RXFP2: variants seen among roughly 807,000 people sequenced by gnomAD.
RXFP2 encodes the protein relaxin receptor 2.
RXFP2 carries 68 observed loss-of-function variants against 88.6 expected under a neutral mutation model. The observed-to-expected ratio is 0.77, with a 90% CI of 0.63 to 0.94. RXFP2 has a LOEUF of 0.94. Among genes scored for constraint, RXFP2 ranks in the 40% least tolerant of loss-of-function variants. The pLI, the probability that RXFP2 is intolerant of heterozygous loss-of-function variation, is 0.00. For synonymous variants in RXFP2, 329 were observed against 306.8 expected (o/e 1.07, Z -0.76); for missense variants, 791 against 893.9 (o/e 0.88, Z 1.47).
intron 1 of RXFP2, among the ~76,000 whole-genome samples, chr13:31,746,018 C>A (rs761460504): frequency 2.6e-4 from 39 of 152,218 alleles, no homozygotes; most frequent in Non-Finnish European, 4.8e-4. Flanking sequence ...CCTTGACTGG[C>A]GTTTGGCCTT....
intron 11 of RXFP2, among the ~76,000 whole-genome samples, chr13:31,785,846 T>C (rs936645547): frequency 1.3e-5 from 2 of 152,192 alleles, no homozygotes; most frequent in African/African-American, 4.8e-5. Context: ...TATATTTAAT[T>C]CTAAACTTGC....
intron 8 of RXFP2, 137 bp from the exon 9 acceptor site, chr13:31,778,375 T>A (rs571612907): frequency 1.5e-6 from 1 of 650,224 alleles, no homozygotes; most frequent in Non-Finnish European, 2.7e-6. Flanking sequence ...TTAAAGACCA[T>A]TTTGAAATAG....
chr13:31,757,457 G>A (rs7327984), intron 1 of RXFP2, among the ~76,000 whole-genome samples: 3,635 of 152,310 alleles, frequency 0.024, 53 homozygotes, highest in Middle Eastern at 0.037. Flanking sequence ...CAGTAGACAC[G>A]ATAGATGAGT....
At chr13:31,763,750 A>G (rs1484202546) in intron 3 of RXFP2, among the ~76,000 whole-genome samples, 1 of 152,124 alleles carries the variant, frequency 6.6e-6, no homozygotes, top group East Asian at 1.9e-4. Flanking sequence ...ACCCAGCTTG[A>G]CCATATGAAA....
intron 16 of RXFP2, among the ~76,000 whole-genome samples, chr13:31,794,417 T>C (rs1184275396): frequency 6.8e-6 from 1 of 146,838 alleles, no homozygotes; most frequent in Non-Finnish European, 1.5e-5. Context: ...CACCATGACA[T>C]GCATTGTTCA....
intron 5 of RXFP2, among the ~76,000 whole-genome samples, chr13:31,766,878 A>G (rs1872569786): frequency 6.6e-6 from 1 of 152,156 alleles, no homozygotes; most frequent in African/African-American, 2.4e-5. Context: ...AGTTGGATCA[A>G]TATCTGTCAA....
In RXFP2 at chr13:31,802,878, G is replaced by T; in HGVS notation, c.*473G>T. On this transcript the variant is annotated 3_prime_UTR_variant, in exon 18 of 18. Transcript: ENST00000298386. The stretch of plus-strand genomic sequence containing the variant: ...AGCATCCTGCTGGATTGATAGCAAA[G>T]GATTTCCAAAATATTCATCTACCCG... 6.0e-6 allele frequency: 1 copy of T among 165,626 alleles called. No individual in the cohort carries two copies. Among genetic ancestry groups the T allele is most frequent in the Non-Finnish European group, 1.3e-5 (1 of 75,416 alleles). The allele number at this position is 165,626 out of a possible 1,614,324, so 10.3% of individuals were successfully genotyped here. A position where few individuals can be genotyped will look rare whatever the true frequency, so the allele number is the denominator to read the frequency against.
In RXFP2 at chr13:31,765,159, T is replaced by A. The variant is rs17612599; in HGVS notation, c.425+17T>A. 62,159 of 1,408,678 alleles carry A rather than the reference T, an allele frequency of 0.044. 1,609 individuals are homozygous for A. Among genetic ancestry groups the A allele is most frequent in the Non-Finnish European group, 0.055 (54,534 of 993,502 alleles). The allele number at this position is 1,408,678 out of a possible 1,614,324, so 87.3% of individuals were successfully genotyped here. ...GACATTACTGTGAGTAAAACTTAAT[T>A]ATTGGTGATATCTGTCCCTATAGTC... On this transcript the variant is annotated intron_variant, in intron 4 of 17. Coordinates refer to ENST00000298386, the MANE Select transcript of RXFP2 (RefSeq NM_130806.5).
At chr13:31,761,155 T>C (rs925983438) in intron 2 of RXFP2, among the ~76,000 whole-genome samples, 4 of 152,006 alleles carry the variant, frequency 2.6e-5, no homozygotes, top group African/African-American at 9.7e-5. Context: ...GGTCTCCCTA[T>C]GTTTCCCAAG....
At chr13:31,796,250 CT>C (rs1874039501) in intron 16 of RXFP2, among the ~76,000 whole-genome samples, 2 of 150,700 alleles carry the variant, frequency 1.3e-5, no homozygotes, top group South Asian at 4.2e-4. Flanking sequence ...GGGGTTTCAC[CT>C]TGTTAGCCAG....
At chr13:31,782,453 C>G (rs142566012) in intron 10 of RXFP2, among the ~76,000 whole-genome samples, 2 of 152,200 alleles carry the variant, frequency 1.3e-5, no homozygotes, top group Admixed American at 6.5e-5. Context: ...CTTTCTAGAC[C>G]GCACTCAGGA....
At chr13:31,801,302 G>A (rs906280751) in intron 17 of RXFP2, among the ~76,000 whole-genome samples, 5 of 151,942 alleles carry the variant, frequency 3.3e-5, no homozygotes, top group African/African-American at 1.2e-4. Flanking sequence ...TCAAGTCTTA[G>A]TACCAAAAAA....
At chr13:31,788,902 T>A (rs1873670188) in intron 13 of RXFP2, among the ~76,000 whole-genome samples, 1 of 152,222 alleles carries the variant, frequency 6.6e-6, no homozygotes, top group Non-Finnish European at 1.5e-5. Flanking sequence ...TATGTTCTAT[T>A]AGAATGTAAT....
Position 31,774,624 on chromosome 13 carries a change from C to A in RXFP2, c.502C>A (p.Leu168Ile). The change falls in exon 6 of 18, where the codon CTT becomes ATT. Residue 168 changes from leucine to isoleucine, a missense_variant. Leu to Ile is a conservative substitution (Grantham distance 5). Transcript: ENST00000298386. ...CTCTTATCTTATTCCTACCAGATTT[C>A]TTCAGCATAATTGCATTAGACACAT... ...IKYTKLKKIF[L>I]QHNCIRHISR... 1 of 1,523,224 alleles carries A rather than the reference C, an allele frequency of 6.6e-7. No homozygotes were observed. The highest frequency in any genetic ancestry group is 9.1e-7 in the Non-Finnish European group (1 of 1,097,338). The allele number at this position is 1,523,224 out of a possible 1,614,324, so 94.4% of individuals were successfully genotyped here.
chr13:31,778,463 A>G, intron 8 of RXFP2, 49 bp from the exon 9 acceptor site: 2 of 1,263,384 alleles, frequency 1.6e-6, no homozygotes, highest in Non-Finnish European at 2.3e-6. Flanking sequence ...AGACTGTCCT[A>G]AAAGTGTCAT....
intron 14 of RXFP2, among the ~76,000 whole-genome samples, chr13:31,790,204 C>T (rs1169584577): frequency 6.6e-6 from 1 of 152,160 alleles, no homozygotes; most frequent in Non-Finnish European, 1.5e-5. Flanking sequence ...TTTATTGAAA[C>T]ATCCCCACCT....
At chr13:31,747,947 C>T (rs930034071) in intron 1 of RXFP2, among the ~76,000 whole-genome samples, 1 of 152,136 alleles carries the variant, frequency 6.6e-6, no homozygotes, top group Non-Finnish European at 1.5e-5. Context: ...TCTTAATTAT[C>T]TTAAAAGTCA....
In RXFP2 at chr13:31,794,404, A is replaced by ACACACACC. The variant is rs1555286039; in HGVS notation, c.1786+1321_1786+1322insACCCACAC. ...CACACACACACACACACACACACAC[A>ACACACACC]CACACCATGACATGCATTGTTCAAA... On this transcript the variant is annotated intron_variant, in intron 16 of 17. Transcript: ENST00000298386. 2.4e-3 allele frequency among the ~76,000 whole-genome samples: 273 copies of ACACACACC among 114,412 alleles called. 1 individual carries two copies. Among genetic ancestry groups the ACACACACC allele is most frequent in the African/African-American group, 7.7e-3 (251 of 32,644 alleles). 75.1% of individuals were successfully genotyped at this position (114,412 alleles called of 152,430 possible).
In RXFP2 at chr13:31,803,083, C is replaced by T. The variant is rs1291482768; in HGVS notation, c.*678C>T. 6.6e-6 allele frequency: 1 copy of T among 152,170 alleles called. No individual in the cohort carries two copies. Among genetic ancestry groups the T allele is most frequent in the Admixed American group, 6.5e-5 (1 of 15,270 alleles). 9.4% of individuals were successfully genotyped at this position (152,170 alleles called of 1,614,324 possible). On this transcript the variant is annotated 3_prime_UTR_variant, in exon 18 of 18. Transcript: ENST00000298386. ...TTAAGATATTTTTCTGAAGGTTGCC[C>T]AGGGCACAAACAAATTGGACACTTT...
Sources: gnomAD v4.1 joint callset for allele counts (sites outside exome capture counted in the v4.1 genomes callset) on GRCh38, gnomAD v4.1.1 for gene constraint, MANE v1.5 for transcripts, NCBI Gene and HGNC (gene_info 2026-07-23, HGNC 2026-07-21) for gene names.